The following SEL1L3 variants were observed in gnomAD, a reference collection of about 807,000 sequenced individuals.
SEL1L3 encodes protein sel-1 homolog 3.
Under a neutral mutation model 142.8 loss-of-function variants are expected in SEL1L3, and 76 were observed. That is an observed-to-expected ratio of 0.53 (90% confidence interval 0.44 to 0.64). The LOEUF is 0.64. SEL1L3 is among the 30% of genes least tolerant of loss of function. The probability of loss-of-function intolerance (pLI) is 0.00; values close to 1 mark genes in which losing one functional copy is unlikely to be tolerated. For missense variants in SEL1L3, 1,262 were observed against 1,381.7 expected (o/e 0.91, Z 1.37); for synonymous variants, 504 against 519.6 (o/e 0.97, Z 0.41).
the SEL1L3 span, among the ~76,000 whole-genome samples, chr4:25,736,243 G>GTGTGT: frequency 2.7e-5 from 4 of 148,298 alleles, no homozygotes; most frequent in Non-Finnish European, 4.5e-5. Context: ...GTGTGTGTGT[G>GTGTGT]ATGGAGTTTT....
downstream of SEL1L3, among the ~76,000 whole-genome samples, chr4:25,746,354 C>T (rs1365463140): frequency 6.6e-6 from 1 of 151,520 alleles, no homozygotes; most frequent in African/African-American, 2.4e-5. Flanking sequence ...ACTGTTTCTA[C>T]TAGAAATACA....
At chr4:25,728,082 T>G in the SEL1L3 span, among the ~76,000 whole-genome samples, 1 of 152,176 alleles carries the variant, frequency 6.6e-6, no homozygotes, top group Non-Finnish European at 1.5e-5. Context: ...GCCAGCCATC[T>G]TTTGTTTGAA....
chr4:25,859,666 T>G (rs1488938419), intron 1 of SEL1L3, among the ~76,000 whole-genome samples: 1 of 152,204 alleles, frequency 6.6e-6, no homozygotes, highest in East Asian at 1.9e-4. Flanking sequence ...CAATTTGGCT[T>G]TGGAATGCAT....
chr4:25,718,661 C>T, the SEL1L3 span: 25,024 of 152,038 alleles, frequency 0.16, 2,350 homozygotes, highest in African/African-American at 0.26. Flanking sequence ...GAGGAACAGA[C>T]AGGCTATCTA....
chr4:25,726,098 C>A, the SEL1L3 span, among the ~76,000 whole-genome samples: 2 of 151,986 alleles, frequency 1.3e-5, no homozygotes, highest in African/African-American at 4.8e-5. Flanking sequence ...GGTTTGAACG[C>A]CTCTGATGAA....
chr4:25,838,136 C>A (rs1380705561), intron 2 of SEL1L3, among the ~76,000 whole-genome samples: 1 of 152,194 alleles, frequency 6.6e-6, no homozygotes, highest in Non-Finnish European at 1.5e-5. Context: ...CCTCCTAGTA[C>A]TGTCCACAAT....
Position 25,795,439 on chromosome 4 carries a change from G to T in SEL1L3, c.1957-4865C>A, listed in dbSNP as rs151059835. On this transcript the variant is annotated intron_variant, in intron 11 of 23. Coordinates refer to ENST00000399878, the MANE Select transcript of SEL1L3 (RefSeq NM_015187.5). Reference sequence around the variant, plus strand: ...AGATCTAAGAGAATTTTATGCTTTAGAAAACAGAAGGACTAGAACTGGGGG... The same window carrying T: ...AGATCTAAGAGAATTTTATGCTTTATAAAACAGAAGGACTAGAACTGGGGG... Among the ~76,000 whole-genome samples, 4 of 152,320 alleles carry T rather than the reference G, an allele frequency of 2.6e-5. No homozygotes were observed. In the East Asian group the frequency reaches 7.7e-4, roughly 29 times the overall value.
chr4:25,851,511 G>A lies in SEL1L3; in HGVS notation c.163-3647C>T, dbSNP rs1040540613. ...ACCAGGAGACAGAATAAGAGAGAAA[G>A]ATGCACTGTATATCCTTCCCTAACT... On this transcript the variant is annotated intron_variant, in intron 1 of 23. Transcript: ENST00000399878. Among the ~76,000 whole-genome samples the A allele has an allele frequency of 2.6e-5, 4 of 152,110 alleles. No individual in the cohort carries two copies. In the East Asian group the frequency reaches 7.7e-4, roughly 29 times the overall value.
At chr4:25,857,992 C>A (rs1279574144) in intron 1 of SEL1L3, among the ~76,000 whole-genome samples, 1 of 152,260 alleles carries the variant, frequency 6.6e-6, no homozygotes, top group Non-Finnish European at 1.5e-5. Flanking sequence ...CAAGGCCTGC[C>A]AAGGCAGAAT....
upstream of SEL1L3, chr4:25,863,124 T>C (rs1717863476): frequency 1.3e-5 from 2 of 149,804 alleles, no homozygotes; most frequent in South Asian, 1.8e-4. Flanking sequence ...CCCCCGGGCT[T>C]CCACCCCTCG....
At chr4:25,752,108 C>CA (rs758727448) in intron 23 of SEL1L3, among the ~76,000 whole-genome samples, 1,257 of 99,378 alleles carry the variant, frequency 0.013, 25 homozygotes, top group African/African-American at 0.034. Flanking sequence ...GACTCCATCT[C>CA]AAAAAAAAAA....
intron 7 of SEL1L3, 147 bp downstream of exon 7, chr4:25,821,849 G>T: frequency 3.7e-6 from 3 of 810,486 alleles, no homozygotes; most frequent in Non-Finnish European, 3.7e-6. Context: ...TTTGCTGGGG[G>T]AAAAGCCTCA....
Position 25,830,098 on chromosome 4 carries a change from C to G in SEL1L3, c.1157G>C (p.Ser386Thr). Residue 386 changes from serine to threonine, a missense_variant and splice_region_variant, in exon 6 of 24, where the codon AGC becomes ACC. By Grantham distance (58) the Ser-to-Thr change is moderately conservative (BLOSUM62 1). This residue lies in a region of SEL1L3 where 689 missense variants were observed against 692.8 expected (regional missense o/e 0.99). Transcript: ENST00000399878. ...DLKSYHNQTI[S>T]FREDFHYNDT... ...GAATAAAAAGAAAAATCGCACTTAC[C>G]TAATGGTCTGATTGTGGTAGCTTTT... 1 of 1,605,888 alleles carries G rather than the reference C, an allele frequency of 6.2e-7. No individual in the cohort carries two copies. The highest frequency in any genetic ancestry group is 8.5e-7 in the Non-Finnish European group (1 of 1,172,904).
intron 23 of SEL1L3, among the ~76,000 whole-genome samples, chr4:25,753,908 C>T (rs918541013): frequency 4.6e-5 from 7 of 151,920 alleles, no homozygotes; most frequent in Non-Finnish European, 8.8e-5. Context: ...CACTTGAATC[C>T]GAGAGATGGA....
rs745818132 is a variant in SEL1L3 at position 25,832,951 on chromosome 4, C to G, written c.1098+44G>C. On this transcript the variant is annotated intron_variant, in intron 5 of 23. Transcript: ENST00000399878. ...CTTTATAGCAATGCTTAACTTTAAG[C>G]GAAAATGCTCGTATGTCGTGTGATG... 1.3e-5 allele frequency: 16 copies of G among 1,237,898 alleles called. No homozygotes were observed. The South Asian group carries it at 1.9e-4, about 14-fold the overall frequency. 76.7% of individuals were successfully genotyped at this position (1,237,898 alleles called of 1,614,324 possible). A position where few individuals can be genotyped will look rare whatever the true frequency, so the allele number is the denominator to read the frequency against.
At chr4:25,816,581 A>G (rs1045569336) in intron 9 of SEL1L3, among the ~76,000 whole-genome samples, 1 of 151,992 alleles carries the variant, frequency 6.6e-6, no homozygotes, top group Admixed American at 6.6e-5. Flanking sequence ...TTCCAGCTCC[A>G]CCCGCTTCTA....
At chr4:25,720,004 T>C in the SEL1L3 span, 1 of 152,202 alleles carries the variant, frequency 6.6e-6, no homozygotes, top group African/African-American at 2.4e-5. Context: ...TGTATGCTAA[T>C]ATAATATTAA....
At chr4:25,746,239 C>T (rs1323266649), downstream of SEL1L3, among the ~76,000 whole-genome samples, 1 of 151,926 alleles carries the variant, frequency 6.6e-6, no homozygotes, top group Non-Finnish European at 1.5e-5. Context: ...TATAATAGGC[C>T]AGGCGCGGTG....
At chr4:25,765,281 A>T (rs767052772) in intron 20 of SEL1L3, 45 bp downstream of exon 20, 1 of 1,327,122 alleles carries the variant, frequency 7.5e-7, no homozygotes. Context: ...GGCATGAGCC[A>T]CCGTGCCCGG....
Sources: allele counts gnomAD v4.1 joint callset (sites outside exome capture counted in the v4.1 genomes callset), GRCh38; gene constraint gnomAD v4.1.1; regional missense constraint gnomAD v4.1.1; transcripts MANE v1.5; gene names NCBI Gene and HGNC (gene_info 2026-07-23, HGNC 2026-07-21).